SLC38A9: variants seen among roughly 807,000 people sequenced by gnomAD.
SLC38A9 encodes the protein solute carrier family 38 member 9, also known as neutral amino acid transporter 9.
SLC38A9 carries 48 observed loss-of-function variants against 62.3 expected under a neutral mutation model. The observed-to-expected ratio is 0.77, with a 90% confidence interval of 0.61 to 0.98. The LOEUF (loss-of-function observed/expected upper bound fraction) is 0.98, where lower values mean the gene tolerates loss of function less well. SLC38A9 is among the 50% of genes least tolerant of loss of function. SLC38A9 has a pLI of 0.00. For synonymous variants in SLC38A9, 204 were observed against 227.7 expected, an observed-to-expected ratio of 0.90 and a Z score of 0.94; for missense variants, 541 against 679.8, an observed-to-expected ratio of 0.80 and a Z score of 2.27.
intron 4 of SLC38A9, among the ~76,000 whole-genome samples, chr5:55,670,429 T>C (rs1751118995): frequency 2.0e-5 from 3 of 152,208 alleles, no homozygotes; most frequent in Admixed American, 2.0e-4. Flanking sequence ...GCAAGTACTA[T>C]GCATCCCTGA....
intron 2 of SLC38A9, among the ~76,000 whole-genome samples, chr5:55,705,653 C>T (rs912962884): frequency 1.1e-4 from 17 of 151,078 alleles, no homozygotes; most frequent in African/African-American, 3.9e-4. Context: ...ATCAGGTCTT[C>T]TTTGTTTAGT....
intron 2 of SLC38A9, among the ~76,000 whole-genome samples, chr5:55,708,557 T>C (rs72761910): frequency 6.6e-6 from 1 of 152,356 alleles, no homozygotes; most frequent in Non-Finnish European, 1.5e-5. Flanking sequence ...CTAGCATCAA[T>C]CTGCAATAGA....
intron 8 of SLC38A9, among the ~76,000 whole-genome samples, chr5:55,659,397 T>TC (rs1749067910): frequency 6.7e-6 from 1 of 150,088 alleles, no homozygotes; most frequent in Non-Finnish European, 1.5e-5. Flanking sequence ...TTTATTTTAT[T>TC]TTGATTTGAG....
intron 12 of SLC38A9, among the ~76,000 whole-genome samples, chr5:55,645,453 G>A (rs1388206186): frequency 6.6e-6 from 1 of 152,148 alleles, no homozygotes; most frequent in African/African-American, 2.4e-5. Context: ...TATGACTCAT[G>A]GGCCAAATCT....
intron 8 of SLC38A9, among the ~76,000 whole-genome samples, chr5:55,657,110 C>T (rs1280472428): frequency 6.6e-6 from 1 of 152,144 alleles, no homozygotes; most frequent in Admixed American, 6.6e-5. Context: ...ATCCACCCAC[C>T]TCGGCCTCCC....
intron 8 of SLC38A9, among the ~76,000 whole-genome samples, chr5:55,658,338 G>A (rs1049803309): frequency 2.0e-5 from 3 of 152,126 alleles, no homozygotes; most frequent in Admixed American, 6.6e-5. Context: ...ATTTTTAGTA[G>A]AGACAGGGTT....
intron 14 of SLC38A9, among the ~76,000 whole-genome samples, chr5:55,629,553 C>T (rs373376820): frequency 1.3e-5 from 2 of 152,238 alleles, no homozygotes; most frequent in South Asian, 2.1e-4. Flanking sequence ...CAGTACAGTA[C>T]GCTGGAAGTC....
In SLC38A9 at chr5:55,649,319, G is replaced by A. The variant is rs778497004; in HGVS notation, c.953-5C>T. The A allele has an allele frequency of 2.0e-6, 3 of 1,525,140 alleles. No homozygotes were observed. The highest frequency in any genetic ancestry group is 2.3e-5 in the East Asian group (1 of 43,158). 94.5% of individuals were successfully genotyped at this position (1,525,140 alleles called of 1,614,324 possible). On this transcript the variant is annotated splice_region_variant and splice_polypyrimidine_tract_variant and intron_variant, in intron 10 of 15. Coordinates refer to ENST00000396865, the MANE Select transcript of SLC38A9 (RefSeq NM_173514.4). The stretch of plus-strand genomic sequence containing the variant: ...AATAAAGGACAGACACTGTGCCTGT[G>A]AGGAAAAAATTCAGAAACCATTTAT...
chr5:55,667,009 C>T (rs537664337), intron 7 of SLC38A9, among the ~76,000 whole-genome samples: 65 of 150,330 alleles, frequency 4.3e-4, no homozygotes, highest in Non-Finnish European at 6.9e-4. Flanking sequence ...AGTGAGACTC[C>T]GTCTCAAAAA....
chr5:55,698,249 C>G (rs1756186694), intron 2 of SLC38A9, among the ~76,000 whole-genome samples: 1 of 99,010 alleles, frequency 1.0e-5, no homozygotes, highest in African/African-American at 3.1e-5. Context: ...ACTCATTTTT[C>G]CTGCGGAAAA....
At chr5:55,708,668 T>C (rs1757608879) in intron 2 of SLC38A9, among the ~76,000 whole-genome samples, 1 of 152,270 alleles carries the variant, frequency 6.6e-6, no homozygotes, top group Non-Finnish European at 1.5e-5. Flanking sequence ...CTGAATACTT[T>C]TGTGTATGTT....
intron 2 of SLC38A9, among the ~76,000 whole-genome samples, chr5:55,707,689 T>G (rs1757462790): frequency 6.6e-6 from 1 of 152,114 alleles, no homozygotes; most frequent in Non-Finnish European, 1.5e-5. Context: ...ATTAAATGAG[T>G]CTCTAATTGT....
chr5:55,638,337 A>C (rs184349477), intron 12 of SLC38A9, among the ~76,000 whole-genome samples: 46 of 152,336 alleles, frequency 3.0e-4, no homozygotes, highest in African/African-American at 1.0e-3. Flanking sequence ...CATTTAATGG[A>C]ACAGGATAGA....
intron 14 of SLC38A9, among the ~76,000 whole-genome samples, chr5:55,629,052 T>TA (rs1275597975): frequency 4.6e-5 from 7 of 152,146 alleles, no homozygotes; most frequent in Admixed American, 1.3e-4. Flanking sequence ...GGCTTACAGA[T>TA]CTTACTGTTT....
intron 12 of SLC38A9, among the ~76,000 whole-genome samples, chr5:55,641,092 G>A (rs889491346): frequency 3.3e-5 from 5 of 151,896 alleles, no homozygotes; most frequent in East Asian, 3.9e-4. Flanking sequence ...CACGCACCTC[G>A]GCCTCCCAAA....
chr5:55,695,259 T>C (rs1755330885), intron 3 of SLC38A9, among the ~76,000 whole-genome samples: 1 of 143,092 alleles, frequency 7.0e-6, no homozygotes, highest in African/African-American at 2.6e-5. Context: ...TACACATTCA[T>C]GTTAAGACCA....
chr5:55,691,235 C>CT (rs959025688), intron 3 of SLC38A9: 2 of 1,104,688 alleles, frequency 1.8e-6, no homozygotes, highest in African/African-American at 3.1e-5. Context: ...ATGTAATAGA[C>CT]TAAGTCTCTG....
intron 2 of SLC38A9, 143 bp from the exon 3 acceptor site, chr5:55,698,135 C>T (rs1194033324): frequency 2.3e-6 from 1 of 432,030 alleles, no homozygotes; most frequent in Non-Finnish European, 4.0e-6. Context: ...AAATATTTAT[C>T]AGAAACTTGC....
At position 55,677,978 on chromosome 5, in the gene SLC38A9, G is replaced by A. The variant is rs2150401680; in HGVS notation, c.114-5283C>T. On this transcript the variant is annotated intron_variant, in intron 3 of 15. Transcript: ENST00000396865. Reference sequence around the variant, plus strand: ...TGTGTGTGTGTAGTGTGTTGGGAGGGAGGGTAGTGGCTGGAACAATTGGGT... The same window carrying A: ...TGTGTGTGTGTAGTGTGTTGGGAGGAAGGGTAGTGGCTGGAACAATTGGGT... Among the ~76,000 whole-genome samples, 3 of 129,874 alleles carry A rather than the reference G, an allele frequency of 2.3e-5. No homozygotes were observed. The South Asian group carries it at 7.8e-4, about 34-fold the overall frequency. The allele number at this position is 129,874 out of a possible 152,430, so 85.2% of individuals were successfully genotyped here.
Sources: allele counts gnomAD v4.1 joint callset (sites outside exome capture counted in the v4.1 genomes callset), GRCh38; gene constraint gnomAD v4.1.1; transcripts MANE v1.5; gene names NCBI Gene and HGNC (gene_info 2026-07-23, HGNC 2026-07-21).